Variants in SHTN1 observed in about 807,000 individuals in gnomAD.
SHTN1 encodes shootin 1, also known as shootin-1.
SHTN1 carries 42 observed loss-of-function variants against 83.1 expected under a neutral mutation model. The observed-to-expected ratio is 0.51, with a 90% CI of 0.39 to 0.65. The LOEUF (loss-of-function observed/expected upper bound fraction) is 0.65. Ranked by LOEUF, SHTN1 falls within the 30% of genes least tolerant of loss-of-function variation. SHTN1 has a pLI of 0.00. For synonymous variants in SHTN1, 224 were observed against 247.7 expected (o/e 0.90, Z 0.90); for missense variants, 622 against 737.8 (o/e 0.84, Z 1.82).
chr10:117,094,032 A>T (rs1279657769), intron 1 of SHTN1, among the ~76,000 whole-genome samples: 1 of 152,230 alleles, frequency 6.6e-6, no homozygotes, highest in African/African-American at 2.4e-5. Flanking sequence ...TGTGGAACTC[A>T]GGATATGTGG....
At chr10:117,079,817 T>G (rs1296109851) in intron 1 of SHTN1, among the ~76,000 whole-genome samples, 1 of 148,348 alleles carries the variant, frequency 6.7e-6, no homozygotes, top group East Asian at 2.0e-4. Flanking sequence ...ATGTGTTTTT[T>G]GGCTGCATAA....
intron 1 of SHTN1, among the ~76,000 whole-genome samples, chr10:117,081,958 C>T (rs1488158108): frequency 8.6e-4 from 127 of 147,622 alleles, no homozygotes; most frequent in African/African-American, 2.9e-3. Flanking sequence ...AGAGGTCTAT[C>T]AATTTTGTTG....
At chr10:116,968,764 T>C in intron 2 of SHTN1, 52 bp from the exon 3 acceptor site, 2 of 1,448,652 alleles carry the variant, frequency 1.4e-6, no homozygotes, top group Non-Finnish European at 1.9e-6. Context: ...AATTTTAAGT[T>C]TGAAAAGGCA....
chr10:116,895,043 C>G (rs1847467948), intron 16 of SHTN1, among the ~76,000 whole-genome samples: 1 of 152,082 alleles, frequency 6.6e-6, no homozygotes, highest in South Asian at 2.1e-4. Flanking sequence ...AGTAATTGAC[C>G]AAACATGAAG....
At chr10:116,923,790 A>G (rs779150667) in intron 11 of SHTN1, among the ~76,000 whole-genome samples, 44 of 152,262 alleles carry the variant, frequency 2.9e-4, no homozygotes, top group Middle Eastern at 6.8e-3. Context: ...GCCTCAAGCA[A>G]TCTTCCTGCC....
rs550721075 is a variant in SHTN1 at position 116,960,238 on chromosome 10, T to C, written c.173-8A>G. ...CTATGACCATGTGAGAAACTAGGAATGAGGGGGAAAAAAAATCTCAGCATT... is the reference window on the plus strand; with the variant it reads ...CTATGACCATGTGAGAAACTAGGAACGAGGGGGAAAAAAAATCTCAGCATT... On this transcript the variant is annotated splice_region_variant and splice_polypyrimidine_tract_variant and intron_variant, in intron 3 of 16. Transcript: ENST00000355371. The C allele has an allele frequency of 6.7e-7, 1 of 1,498,612 alleles. No individual in the cohort carries two copies. The highest frequency in any genetic ancestry group is 1.1e-5 in the South Asian group (1 of 88,308). 92.8% of individuals were successfully genotyped at this position (1,498,612 alleles called of 1,614,324 possible).
chr10:117,046,807 A>G (rs961703812), intron 2 of SHTN1, among the ~76,000 whole-genome samples: 21 of 152,156 alleles, frequency 1.4e-4, no homozygotes, highest in Admixed American at 4.6e-4. Flanking sequence ...CAGTCCATAG[A>G]GACAATAATT....
intron 11 of SHTN1, 143 bp downstream of exon 11, chr10:116,927,649 C>G: frequency 8.6e-7 from 1 of 1,157,786 alleles, no homozygotes; most frequent in Non-Finnish European, 1.2e-6. Context: ...GGGGACACAA[C>G]CAAACCATAT....
intron 2 of SHTN1, among the ~76,000 whole-genome samples, chr10:117,015,829 A>G (rs1417558118): frequency 1.3e-5 from 2 of 152,192 alleles, no homozygotes; most frequent in African/African-American, 2.4e-5. Flanking sequence ...CTGTGTTCCT[A>G]TTGACTCTAT....
chr10:117,079,056 A>G (rs1302275179), intron 1 of SHTN1, among the ~76,000 whole-genome samples: 1 of 151,634 alleles, frequency 6.6e-6, no homozygotes, highest in Non-Finnish European at 1.5e-5. Context: ...TTTTATTATT[A>G]TAAGTTTTAG....
In SHTN1 at chr10:117,038,255, C is replaced by T. The variant is rs187534718; in HGVS notation, c.-123+10190G>A. On this transcript the variant is annotated intron_variant, in intron 2 of 17. Transcript: ENST00000392901. Reference sequence around the variant, plus strand: ...TTCTGGGCTCAAGCGATCCTCCCACCTCAGCCTCCCAAGTAGCTGGGACTA... The same window carrying T: ...TTCTGGGCTCAAGCGATCCTCCCACTTCAGCCTCCCAAGTAGCTGGGACTA... 1.5e-4 allele frequency among the ~76,000 whole-genome samples: 23 copies of T among 151,914 alleles called. No homozygotes were observed. In the East Asian group the frequency reaches 4.3e-3, roughly 28 times the overall value.
chr10:116,940,358 G>A (rs1849323645), intron 9 of SHTN1, 108 bp downstream of exon 9: 2 of 1,143,004 alleles, frequency 1.7e-6, no homozygotes, highest in Admixed American at 2.6e-5. Flanking sequence ...GGCAAAATAT[G>A]AAACAGTAAA....
At chr10:116,921,202 T>G (rs1848552570) in intron 12 of SHTN1, among the ~76,000 whole-genome samples, 1 of 152,134 alleles carries the variant, frequency 6.6e-6, no homozygotes, top group Non-Finnish European at 1.5e-5. Flanking sequence ...TGACCTTTAA[T>G]GAAAATATAT....
chr10:116,953,051 G>C (rs1849831295), intron 5 of SHTN1, among the ~76,000 whole-genome samples: 1 of 152,158 alleles, frequency 6.6e-6, no homozygotes, highest in Non-Finnish European at 1.5e-5. Context: ...AGGGGTTGAA[G>C]AGTAGGTAAA....
At chr10:117,011,738 A>G (rs925061863) in intron 2 of SHTN1, among the ~76,000 whole-genome samples, 36 of 152,246 alleles carry the variant, frequency 2.4e-4, no homozygotes, top group African/African-American at 8.4e-4. Flanking sequence ...GCACTTAGGT[A>G]TAAATCTAGC....
intron 16 of SHTN1, among the ~76,000 whole-genome samples, chr10:116,898,858 A>G (rs1186428154): frequency 7.9e-5 from 12 of 152,180 alleles, no homozygotes; most frequent in Non-Finnish European, 1.3e-4. Context: ...TTGCTTTCTT[A>G]TAAGTCCCTA....
In SHTN1 at chr10:117,048,528, C is replaced by T. The variant is rs1852699346; in HGVS notation, c.-188-18G>A. 4 of 957,620 alleles carry T rather than the reference C, an allele frequency of 4.2e-6. No individual in the cohort carries two copies. In the Admixed American group the frequency reaches 2.5e-4, roughly 59 times the overall value. 59.3% of individuals were successfully genotyped at this position (957,620 alleles called of 1,614,324 possible). On this transcript the variant is annotated intron_variant, in intron 1 of 17. Transcript: ENST00000392901. ...GGGCAAACCTGAAAAGGATTAAACA[C>T]TTAGCATGGCATTCTAAAATACTGT...
intron 1 of SHTN1, among the ~76,000 whole-genome samples, chr10:117,100,428 C>A (rs1345842779): frequency 6.6e-6 from 1 of 152,128 alleles, no homozygotes; most frequent in Non-Finnish European, 1.5e-5. Context: ...GAAAAATTTG[C>A]CAAACCTGAA....
chr10:117,125,128 C>A (rs1246349252), intron 1 of SHTN1, among the ~76,000 whole-genome samples: 3 of 152,162 alleles, frequency 2.0e-5, no homozygotes, highest in African/African-American at 7.2e-5. Context: ...CCGATGCTGG[C>A]AGACATCACT....
Sources: allele counts gnomAD v4.1 joint callset (sites outside exome capture counted in the v4.1 genomes callset), GRCh38; gene constraint gnomAD v4.1.1; transcripts MANE v1.5; gene names NCBI Gene and HGNC (gene_info 2026-07-23, HGNC 2026-07-21).